RBFOX1: variants seen among roughly 807,000 people sequenced by gnomAD.
RBFOX1 encodes RNA binding protein fox-1 homolog 1.
Under a neutral mutation model 57.7 loss-of-function variants are expected in RBFOX1, and 8 were observed. The observed-to-expected ratio is 0.14, with a 90% CI of 0.08 to 0.25. The LOEUF is 0.25. Among genes scored for constraint, RBFOX1 ranks in the 10% least tolerant of loss-of-function variants. The probability of loss-of-function intolerance (pLI) is 1.00; values close to 1 mark genes in which losing one functional copy is unlikely to be tolerated. For synonymous variants in RBFOX1, 326 were observed against 222.4 expected, an observed-to-expected ratio of 1.47 and a Z score of -4.15; for missense variants, 611 against 548.5, an observed-to-expected ratio of 1.11 and a Z score of -1.14.
At chr16:7,129,310 TAGA>T (rs2069545045) in intron 4 of RBFOX1, among the ~76,000 whole-genome samples, 3 of 152,138 alleles carry the variant, frequency 2.0e-5, no homozygotes. Context: ...TCGGTTTGGT[TAGA>T]TTTGGGTCCT....
At chr16:5,647,572 C>G (rs921127525) in intron 3 of RBFOX1, among the ~76,000 whole-genome samples, 2 of 152,188 alleles carry the variant, frequency 1.3e-5, no homozygotes, top group Non-Finnish European at 2.9e-5. Context: ...AACCCCACCT[C>G]TTCTCCTTTC....
intron 14 of RBFOX1, among the ~76,000 whole-genome samples, chr16:7,696,399 A>AT (rs750059561): frequency 3.9e-5 from 6 of 151,986 alleles, no homozygotes; most frequent in Non-Finnish European, 8.8e-5. Flanking sequence ...GGAGTAAATG[A>AT]TTTTCCCTTC....
chr16:7,366,659 C>G (rs968729178), intron 4 of RBFOX1, among the ~76,000 whole-genome samples: 4 of 148,450 alleles, frequency 2.7e-5, no homozygotes, highest in African/African-American at 7.5e-5. Context: ...TTTTTTTTTT[C>G]CCACTTAGAT....
intron 2 of RBFOX1, among the ~76,000 whole-genome samples, chr16:6,637,272 TTA>T (rs1276416356): frequency 1.6e-5 from 1 of 60,994 alleles, no homozygotes; most frequent in Admixed American, 3.0e-4. Flanking sequence ...CAAATATATA[TTA>T]TATATTATAT....
intron 1 of RBFOX1, among the ~76,000 whole-genome samples, chr16:6,242,326 A>G (rs1443061566): frequency 1.6e-4 from 24 of 152,140 alleles, no homozygotes; most frequent in Admixed American, 1.6e-3. Context: ...TTTCCCTATC[A>G]GCCTGTATAG....
At chr16:5,313,740 A>G (rs1050090460) in intron 1 of RBFOX1, among the ~76,000 whole-genome samples, 2 of 152,266 alleles carry the variant, frequency 1.3e-5, no homozygotes, top group East Asian at 3.9e-4. Flanking sequence ...CTATTGCGAG[A>G]ACAGCATGAG....
chr16:7,208,416 C>A (rs903845813), intron 4 of RBFOX1, among the ~76,000 whole-genome samples: 5 of 152,182 alleles, frequency 3.3e-5, no homozygotes, highest in African/African-American at 1.2e-4. Context: ...GCACCAGCAT[C>A]TGCTTCCGGT....
At chr16:6,448,127 A>ATTTTTCTTT (rs927789013) in intron 2 of RBFOX1, among the ~76,000 whole-genome samples, 2 of 99,588 alleles carry the variant, frequency 2.0e-5, no homozygotes, top group Non-Finnish European at 4.3e-5. Flanking sequence ...CTGATCAGAC[A>ATTTTTCTTT]TTTTTCTTTT....
intron 1 of RBFOX1, among the ~76,000 whole-genome samples, chr16:5,387,132 C>A (rs960431574): frequency 7.2e-5 from 11 of 152,218 alleles, no homozygotes; most frequent in Admixed American, 7.2e-4. Context: ...CCCCACAAGG[C>A]TCAAATCTTG....
chr16:6,950,854 T>C (rs2080579511), intron 3 of RBFOX1, among the ~76,000 whole-genome samples: 2 of 152,048 alleles, frequency 1.3e-5, no homozygotes, highest in Admixed American at 1.3e-4. Flanking sequence ...TTTCTTTCTT[T>C]CTCTGTTTTT....
intron 1 of RBFOX1, among the ~76,000 whole-genome samples, chr16:5,304,387 G>A (rs2063879794): frequency 6.6e-6 from 1 of 152,172 alleles, no homozygotes; most frequent in South Asian, 2.1e-4. Flanking sequence ...ACAGGTATAT[G>A]GGCCTTGGAA....
At position 6,332,513 on chromosome 16, in the gene RBFOX1, C is replaced by T. The variant is rs545872207; in HGVS notation, c.-64+15456C>T. ...TGTTGAATATAGGAGACATGACTGACTGTGACGATAGCTAGTTGATTTAAA... is the reference window on the plus strand; with the variant it reads ...TGTTGAATATAGGAGACATGACTGATTGTGACGATAGCTAGTTGATTTAAA... On this transcript the variant is annotated intron_variant, in intron 2 of 15. Coordinates refer to ENST00000550418, the MANE Select transcript of RBFOX1 (RefSeq NM_018723.4). Among the ~76,000 whole-genome samples the T allele has an allele frequency of 4.6e-5, 7 of 152,336 alleles. No individual in the cohort carries two copies. The East Asian group carries it at 7.7e-4, about 17-fold the overall frequency.
chr16:6,207,964 G>A (rs1030394564), intron 1 of RBFOX1, among the ~76,000 whole-genome samples: 2 of 151,984 alleles, frequency 1.3e-5, no homozygotes, highest in Non-Finnish European at 2.9e-5. Context: ...TAACATTAGG[G>A]AGATGTTGTA....
chr16:6,724,113 G>C (rs572923475), intron 3 of RBFOX1, among the ~76,000 whole-genome samples: 2 of 152,148 alleles, frequency 1.3e-5, no homozygotes, highest in African/African-American at 4.8e-5. Flanking sequence ...TGGTGGCAGG[G>C]ACTTCATGAA....
intron 4 of RBFOX1, among the ~76,000 whole-genome samples, chr16:5,920,005 C>G (rs1029596248): frequency 6.6e-6 from 1 of 152,314 alleles, no homozygotes; most frequent in South Asian, 2.1e-4. Context: ...GTGGCGCGAT[C>G]TCACTGCAAG....
intron 4 of RBFOX1, among the ~76,000 whole-genome samples, chr16:5,868,299 C>T (rs1846583224): frequency 6.6e-6 from 1 of 152,198 alleles, no homozygotes; most frequent in Non-Finnish European, 1.5e-5. Context: ...TATTGGAACC[C>T]TAAGCATGTG....
intron 1 of RBFOX1, among the ~76,000 whole-genome samples, chr16:6,285,437 A>G (rs1225406172): frequency 6.6e-6 from 1 of 152,168 alleles, no homozygotes; most frequent in Non-Finnish European, 1.5e-5. Context: ...TTCTAAGTTT[A>G]TGGGAGCCAA....
chr16:7,335,021 CAGAG>C (rs1274886494), intron 4 of RBFOX1, among the ~76,000 whole-genome samples: 1 of 152,178 alleles, frequency 6.6e-6, no homozygotes, highest in African/African-American at 2.4e-5. Flanking sequence ...AGCTAACACA[CAGAG>C]AGAAACTGGC....
intron 3 of RBFOX1, among the ~76,000 whole-genome samples, chr16:6,759,182 G>T (rs1161211084): frequency 3.4e-5 from 5 of 146,636 alleles, no homozygotes. Flanking sequence ...ACAGAGTCTC[G>T]CTCTGTTGCC....
Sources: allele counts gnomAD v4.1 joint callset (sites outside exome capture counted in the v4.1 genomes callset), GRCh38; gene constraint gnomAD v4.1.1; transcripts MANE v1.5; gene names NCBI Gene and HGNC (gene_info 2026-07-23, HGNC 2026-07-21).